The following GALNT13 variants were observed in gnomAD, a reference collection of about 807,000 sequenced individuals.
GALNT13 encodes the protein UDP-GalNAc:polypeptide N-acetylgalactosaminyltransferase 13.
GALNT13 carries 28 observed loss-of-function variants against 64.2 expected under a neutral mutation model. The observed-to-expected ratio is 0.44, with a 90% CI of 0.32 to 0.60. The LOEUF is 0.60. Ranked by LOEUF, GALNT13 falls within the 20% of genes least tolerant of loss-of-function variation. The pLI is 0.05. For missense variants in GALNT13, 577 were observed against 669.8 expected (o/e 0.86, Z 1.53); for synonymous variants, 214 against 224.6 (o/e 0.95, Z 0.42).
At chr2:153,564,368 T>C in the GALNT13 span, among the ~76,000 whole-genome samples, 1 of 152,142 alleles carries the variant, frequency 6.6e-6, no homozygotes, top group Admixed American at 6.5e-5. Context: ...TATTTTGGCT[T>C]TTAAAAGACA....
At chr2:154,382,848 G>A (rs975843050) in intron 9 of GALNT13, among the ~76,000 whole-genome samples, 6 of 151,642 alleles carry the variant, frequency 4.0e-5, no homozygotes, top group African/African-American at 1.2e-4. Flanking sequence ...CTGAGAGACT[G>A]TGGTTATGGA....
At chr2:153,635,737 T>C in the GALNT13 span, among the ~76,000 whole-genome samples, 16 of 152,094 alleles carry the variant, frequency 1.1e-4, no homozygotes, top group African/African-American at 3.6e-4. Context: ...TGCTACTGAC[T>C]GGAAATATTC....
the GALNT13 span, among the ~76,000 whole-genome samples, chr2:153,332,534 G>GTTTTTTT: frequency 2.4e-3 from 328 of 136,192 alleles, 8 homozygotes; most frequent in East Asian, 0.064. Context: ...TGAGAGTATT[G>GTTTTTTT]TTTTTTTTTT....
chr2:153,764,758 C>T, the GALNT13 span, among the ~76,000 whole-genome samples: 1 of 152,210 alleles, frequency 6.6e-6, no homozygotes, highest in African/African-American at 2.4e-5. Context: ...GGTCCAGAAG[C>T]CTTGAAGTAA....
At chr2:153,362,553 CA>C in the GALNT13 span, among the ~76,000 whole-genome samples, 187 of 80,318 alleles carry the variant, frequency 2.3e-3, 1 homozygote, top group African/African-American at 7.3e-3. Context: ...AAATGGAGAG[CA>C]AAAAAAAAAA....
chr2:153,973,790 A>C (rs2105135146), intron 3 of GALNT13, among the ~76,000 whole-genome samples: 1 of 152,064 alleles, frequency 6.6e-6, no homozygotes, highest in South Asian at 2.1e-4. Context: ...TATTTAAGTA[A>C]GTTTTTTAGG....
chr2:154,239,784 T>A (rs946018187), intron 4 of GALNT13, among the ~76,000 whole-genome samples: 4 of 152,214 alleles, frequency 2.6e-5, no homozygotes, highest in Admixed American at 2.0e-4. Flanking sequence ...TAAATGGACA[T>A]TTTTAGCTGG....
intron 4 of GALNT13, among the ~76,000 whole-genome samples, chr2:154,178,859 T>G (rs1305639971): frequency 6.6e-6 from 1 of 152,316 alleles, no homozygotes; most frequent in South Asian, 2.1e-4. Context: ...TCCTAACATC[T>G]TTCACTGATA....
upstream of GALNT13, among the ~76,000 whole-genome samples, chr2:153,871,755 A>G (rs1685955279): frequency 6.6e-6 from 1 of 152,014 alleles, no homozygotes; most frequent in African/African-American, 2.4e-5. Flanking sequence ...CCCGGGGAGG[A>G]GCGGGAGCAG....
intron 10 of GALNT13, among the ~76,000 whole-genome samples, chr2:154,407,681 G>T (rs1295209021): frequency 6.6e-6 from 1 of 151,986 alleles, no homozygotes; most frequent in African/African-American, 2.4e-5. Context: ...ATGGGTTGCT[G>T]CTCAGATTTT....
the GALNT13 span, among the ~76,000 whole-genome samples, chr2:153,128,432 G>A: frequency 6.6e-6 from 1 of 152,034 alleles, no homozygotes; most frequent in Non-Finnish European, 1.5e-5. Flanking sequence ...AACAGCATGG[G>A]AAAGACCCAC....
the GALNT13 span, among the ~76,000 whole-genome samples, chr2:153,305,093 G>A: frequency 1.3e-5 from 2 of 152,100 alleles, no homozygotes; most frequent in African/African-American, 4.8e-5. Flanking sequence ...TTAGGCACTA[G>A]CTTGGAATAG....
At chr2:154,445,824 G>A (rs1475039254) in intron 12 of GALNT13, 2 of 1,288,458 alleles carry the variant, frequency 1.6e-6, no homozygotes, top group South Asian at 2.5e-5. Flanking sequence ...TCTCCCAAGG[G>A]CAGGCACGGA....
At chr2:153,371,266 A>C in the GALNT13 span, among the ~76,000 whole-genome samples, 1 of 152,248 alleles carries the variant, frequency 6.6e-6, no homozygotes, top group Admixed American at 6.5e-5. Flanking sequence ...TTTCCCTCTA[A>C]GTTCTAGAAC....
At chr2:154,088,170 G>C (rs1020960742) in intron 3 of GALNT13, among the ~76,000 whole-genome samples, 2 of 152,038 alleles carry the variant, frequency 1.3e-5, no homozygotes, top group Non-Finnish European at 1.5e-5. Context: ...CAGTAGCCTT[G>C]CATCTCTAAT....
the GALNT13 span, among the ~76,000 whole-genome samples, chr2:153,630,732 C>T: frequency 9.0e-6 from 1 of 111,726 alleles, no homozygotes; most frequent in South Asian, 2.9e-4. Context: ...AAATGTTAGA[C>T]CTGAAACCAT....
At chr2:153,704,088 A>G in the GALNT13 span, among the ~76,000 whole-genome samples, 3 of 152,090 alleles carry the variant, frequency 2.0e-5, no homozygotes, top group Non-Finnish European at 2.9e-5. Flanking sequence ...TTAAAAATCT[A>G]CCCTATAGAT....
chr2:153,578,203 C>CT, the GALNT13 span, among the ~76,000 whole-genome samples: 1 of 152,038 alleles, frequency 6.6e-6, no homozygotes, highest in Non-Finnish European at 1.5e-5. Flanking sequence ...GGTGAAGTCT[C>CT]TAACTATGTC....
intron 8 of GALNT13, among the ~76,000 whole-genome samples, chr2:154,267,124 A>G (rs887353051): frequency 6.6e-6 from 1 of 152,170 alleles, no homozygotes; most frequent in African/African-American, 2.4e-5. Context: ...AAATATTATT[A>G]GAACAACTGA....
Sources: allele counts gnomAD v4.1 joint callset (sites outside exome capture counted in the v4.1 genomes callset), GRCh38; gene constraint gnomAD v4.1.1; transcripts MANE v1.5; gene names NCBI Gene and HGNC (gene_info 2026-07-23, HGNC 2026-07-21).